MAP3K3: variants seen among roughly 807,000 people sequenced by gnomAD.
MAP3K3 encodes the protein MAP/ERK kinase kinase 3.
MAP3K3 carries 12 observed loss-of-function variants against 80.9 expected under a neutral mutation model. That is an observed-to-expected ratio of 0.15 (90% CI 0.10 to 0.24). The LOEUF (loss-of-function observed/expected upper bound fraction) is 0.24, where lower values mean the gene tolerates loss of function less well. Among genes scored for constraint, MAP3K3 ranks in the 10% least tolerant of loss-of-function variants. The probability of loss-of-function intolerance (pLI) is 1.00; values close to 1 mark genes in which losing one functional copy is unlikely to be tolerated. For missense variants in MAP3K3, 596 were observed against 834.7 expected, an observed-to-expected ratio of 0.71 and a Z score of 3.52; for synonymous variants, 272 against 307.1, an observed-to-expected ratio of 0.89 and a Z score of 1.19.
At chr17:63,662,552 C>T (rs2034915427) in intron 5 of MAP3K3, among the ~76,000 whole-genome samples, 1 of 151,974 alleles carries the variant, frequency 6.6e-6, no homozygotes, top group Non-Finnish European at 1.5e-5. Flanking sequence ...CTTAGGGTGA[C>T]TGCTCAGGTG....
In MAP3K3 at chr17:63,693,403, C is replaced by T. The variant is rs1451590006; in HGVS notation, c.1653-146C>T. On this transcript the variant is annotated intron_variant, in intron 15 of 15. Transcript: ENST00000361733. This position sits in a 1 kb window ranked among gnomAD's most constrained non-coding sequence, Gnocchi z 4.2. ...TGTAGGTCCATGAAGCCCACGTGGA[C>T]AGACATCCAAGCTGAGGTATCCCTC... 14 of 623,194 alleles carry T rather than the reference C, an allele frequency of 2.2e-5. No homozygotes were observed. The highest frequency in any genetic ancestry group is 3.9e-5 in the Non-Finnish European group (14 of 360,984). The allele number at this position is 623,194 out of a possible 1,614,324, so 38.6% of individuals were successfully genotyped here.
At position 63,691,331 on chromosome 17, in the gene MAP3K3, A is replaced by G. The variant is rs934787219; in HGVS notation, c.1344+98A>G. Reference sequence around the variant, plus strand: ...GGGGGTCACCTTGGATAGGAGTTTGAACACCTGAGGCTCCAGAGGCCCAGA... The same window carrying G: ...GGGGGTCACCTTGGATAGGAGTTTGGACACCTGAGGCTCCAGAGGCCCAGA... On this transcript the variant is annotated intron_variant, in intron 13 of 15. Coordinates refer to ENST00000361733, the MANE Select transcript of MAP3K3 (RefSeq NM_002401.5). The surrounding 1 kb of genome is among the most constrained non-coding windows in gnomAD (Gnocchi z 4.8). 7 of 1,542,692 alleles carry G rather than the reference A, an allele frequency of 4.5e-6. No homozygotes were observed. The African/African-American group carries it at 6.8e-5, about 15-fold the overall frequency.
At chr17:63,633,118 C>T (rs1332618361) in intron 2 of MAP3K3, among the ~76,000 whole-genome samples, 1 of 151,924 alleles carries the variant, frequency 6.6e-6, no homozygotes, top group Non-Finnish European at 1.5e-5. Context: ...GTCCCAGCTA[C>T]TCAGGAAGCT....
rs770755395 is a variant in MAP3K3 at position 63,646,066 on chromosome 17, G to A, written c.159G>A (p.Gly53=). Reference sequence around the variant, plus strand: ...TCAGAATCAAGTTCGAGCACAACGGGGAGAGGCGGTAAGTCTGCCTTCTGA... The same window carrying A: ...TCAGAATCAAGTTCGAGCACAACGGAGAGAGGCGGTAAGTCTGCCTTCTGA... ...SDVRIKFEHN[G]ERRIIAFSRP... is the part of the protein sequence containing the mutation. The change falls in exon 3 of 16, where the codon GGG becomes GGA. Residue 53 remains glycine, a synonymous_variant. Transcript: ENST00000361733. The A allele has an allele frequency of 1.2e-6, 2 of 1,614,028 alleles. No individual in the cohort carries two copies. The highest frequency in any genetic ancestry group is 1.7e-6 in the Non-Finnish European group (2 of 1,179,910).
chr17:63,658,916 A>G (rs2034828089), intron 5 of MAP3K3, among the ~76,000 whole-genome samples: 2 of 152,038 alleles, frequency 1.3e-5, no homozygotes, highest in Admixed American at 6.6e-5. Flanking sequence ...TGTATTTTTT[A>G]GTAGAGACAA....
chr17:63,662,856 C>CG (rs986873362), intron 5 of MAP3K3, among the ~76,000 whole-genome samples: 16 of 150,746 alleles, frequency 1.1e-4, no homozygotes, highest in African/African-American at 2.9e-4. Context: ...TGGGGTTGGG[C>CG]GGGGGGCGGT....
chr17:63,629,130 G>GTT (rs959645167), intron 1 of MAP3K3, among the ~76,000 whole-genome samples: 2 of 145,560 alleles, frequency 1.4e-5, no homozygotes, highest in Non-Finnish European at 1.5e-5. Context: ...GTTATTTGTT[G>GTT]TTTTTTTTTT....
intron 1 of MAP3K3, among the ~76,000 whole-genome samples, chr17:63,624,550 A>G (rs2034061457): frequency 6.6e-6 from 1 of 152,214 alleles, no homozygotes; most frequent in African/African-American, 2.4e-5. Flanking sequence ...AATGATGGGG[A>G]GGAAGGAAAC....
At position 63,678,203 on chromosome 17, in the gene MAP3K3, C is replaced by T. The variant is rs977849165; in HGVS notation, c.503-3563C>T. On this transcript the variant is annotated intron_variant, in intron 6 of 15. Coordinates refer to ENST00000361733, the MANE Select transcript of MAP3K3 (RefSeq NM_002401.5). ...TGTGGATGATGATAATGCACCACCACTGCAGGGGTGTAGTAAGGGTTAAAT... is the reference window on the plus strand; with the variant it reads ...TGTGGATGATGATAATGCACCACCATTGCAGGGGTGTAGTAAGGGTTAAAT... Among the ~76,000 whole-genome samples, 10 of 152,198 alleles carry T rather than the reference C, an allele frequency of 6.6e-5. No individual in the cohort carries two copies. The East Asian group carries it at 1.9e-3, about 29-fold the overall frequency.
rs1266456879 is a variant in MAP3K3, at chr17:63,689,523, C to T, written c.872-21C>T. The T allele has an allele frequency of 6.2e-7, 1 of 1,604,994 alleles. No individual in the cohort carries two copies. The highest frequency in any genetic ancestry group is 8.5e-7 in the Non-Finnish European group (1 of 1,175,008). On this transcript the variant is annotated intron_variant, in intron 10 of 15. Transcript: ENST00000361733. The surrounding 1 kb of genome is among the most constrained non-coding windows in gnomAD (Gnocchi z 4.3). ...AGCCTGGGGTGTGACTTGCTCTCCT[C>T]TGGCCCTTGCACCCTTTCAGGCAGA...
At chr17:63,623,277 C>T (rs1051853699) in intron 1 of MAP3K3, among the ~76,000 whole-genome samples, 7 of 152,350 alleles carry the variant, frequency 4.6e-5, no homozygotes, top group Admixed American at 3.3e-4. Flanking sequence ...GTGCGCGCCC[C>T]AGCGCAGGGG....
chr17:63,691,719 C>T lies in MAP3K3; in HGVS notation c.1345-14C>T, dbSNP rs554152025. 5.0e-6 allele frequency: 8 copies of T among 1,611,594 alleles called. No individual in the cohort carries two copies. In the East Asian group the frequency reaches 1.8e-4, roughly 36 times the overall value. On this transcript the variant is annotated splice_polypyrimidine_tract_variant and intron_variant, in intron 13 of 15. Coordinates refer to ENST00000361733, the MANE Select transcript of MAP3K3 (RefSeq NM_002401.5). This position sits in a 1 kb window ranked among gnomAD's most constrained non-coding sequence, Gnocchi z 4.8. ...TCCCCTGAGGGGACTCCTCTGACTT[C>T]TTGTGGCCTCCAGGGCTCGGTGAAA...
In MAP3K3 at chr17:63,689,133, T is replaced by G; in HGVS notation, c.871+252T>G. On this transcript the variant is annotated intron_variant, in intron 10 of 15. Coordinates refer to ENST00000361733, the MANE Select transcript of MAP3K3 (RefSeq NM_002401.5). This position sits in a 1 kb window ranked among gnomAD's most constrained non-coding sequence, Gnocchi z 4.3. ...TGGTGTGCTCCAGGGGCACCATCTC[T>G]CCCATGTCCTCTTCTGCCCCACAGC... 1.7e-6 allele frequency: 1 copy of G among 575,718 alleles called. No homozygotes were observed. Among genetic ancestry groups the G allele is most frequent in the Non-Finnish European group, 3.1e-6 (1 of 323,992 alleles). 35.7% of individuals were successfully genotyped at this position (575,718 alleles called of 1,614,324 possible).
chr17:63,649,448 A>G (rs1010069481), intron 3 of MAP3K3, among the ~76,000 whole-genome samples: 1 of 143,628 alleles, frequency 7.0e-6, no homozygotes, highest in East Asian at 1.9e-4. Flanking sequence ...AAAAAAAAAA[A>G]GTAGACAGGA....
intron 6 of MAP3K3, among the ~76,000 whole-genome samples, chr17:63,680,275 A>T (rs1328277104): frequency 6.6e-6 from 1 of 152,042 alleles, no homozygotes; most frequent in African/African-American, 2.4e-5. Flanking sequence ...CGTGGGAGAG[A>T]GGTAAGGGGT....
At chr17:63,632,246 C>G (rs1465170133) in intron 1 of MAP3K3, among the ~76,000 whole-genome samples, 1 of 152,082 alleles carries the variant, frequency 6.6e-6, no homozygotes, top group African/African-American at 2.4e-5. Flanking sequence ...AATCTTAGCA[C>G]TTTGGGAGGC....
At position 63,693,603 on chromosome 17, in the gene MAP3K3, G is replaced by A. The variant is rs149538399; in HGVS notation, c.1707G>A (p.Glu569=). 6.3e-4 allele frequency: 1,020 copies of A among 1,610,458 alleles called. 1 individual carries two copies. The highest frequency in any genetic ancestry group is 7.5e-4 in the Non-Finnish European group (884 of 1,177,824). Reference sequence around the variant, plus strand: ...TGACAGAGAAACCACCGTGGGCAGAGTATGAAGCTATGGCCGCCATCTTCA... The same window carrying A: ...TGACAGAGAAACCACCGTGGGCAGAATATGAAGCTATGGCCGCCATCTTCA... ...EMLTEKPPWA[E]YEAMAAIFKI... is the part of the protein sequence containing the mutation. The change falls in exon 16 of 16, where the codon GAG becomes GAA. Residue 569 remains glutamate (E), a synonymous_variant. Coordinates refer to ENST00000361733, the MANE Select transcript of MAP3K3 (RefSeq NM_002401.5). The surrounding 1 kb of genome is among the most constrained non-coding windows in gnomAD (Gnocchi z 4.2).
At chr17:63,674,115 C>T (rs1598105046) in intron 6 of MAP3K3, among the ~76,000 whole-genome samples, 1 of 151,710 alleles carries the variant, frequency 6.6e-6, no homozygotes, top group African/African-American at 2.4e-5. Context: ...CTGCTACATT[C>T]TGACTCCTGT....
intron 6 of MAP3K3, among the ~76,000 whole-genome samples, chr17:63,669,291 G>T (rs781662159): frequency 6.6e-6 from 1 of 152,060 alleles, no homozygotes; most frequent in Non-Finnish European, 1.5e-5. Flanking sequence ...TGGAGAGCTC[G>T]CTATTCTTCA....
Sources: gnomAD v4.1 joint callset for allele counts (sites outside exome capture counted in the v4.1 genomes callset) on GRCh38, gnomAD v4.1.1 for gene constraint, Gnocchi (gnomAD v3.1) non-coding constraint, MANE v1.5 for transcripts, NCBI Gene and HGNC (gene_info 2026-07-23, HGNC 2026-07-21) for gene names.